Variants in SLC1A7 observed in about 807,000 individuals in gnomAD.
SLC1A7 encodes solute carrier family 1 member 7.
In SLC1A7, 40 loss-of-function variants were observed where a neutral mutation model predicts 47.7. The observed-to-expected ratio is 0.84, with a 90% CI of 0.65 to 1.09. SLC1A7 has a LOEUF of 1.09. Among genes scored for constraint, SLC1A7 ranks in the 50% least tolerant of loss-of-function variants. SLC1A7 has a pLI of 0.00. For missense variants in SLC1A7, 746 were observed against 769.5 expected, an observed-to-expected ratio of 0.97 and a Z score of 0.36; for synonymous variants, 323 against 325.6, an observed-to-expected ratio of 0.99 and a Z score of 0.09.
At chr1:53,092,810 G>A in intron 6 of SLC1A7, 23 bp from the exon 7 acceptor site, 1 of 1,520,908 alleles carries the variant, frequency 6.6e-7, no homozygotes, top group Non-Finnish European at 9.1e-7. Flanking sequence ...GGGCAGCCAG[G>A]CTCAGGAACC....
At chr1:53,090,877 C>G in intron 7 of SLC1A7, 71 bp from the exon 8 acceptor site, 1 of 1,552,868 alleles carries the variant, frequency 6.4e-7, no homozygotes, top group Non-Finnish European at 8.7e-7. Flanking sequence ...TCGGGAAGCT[C>G]ACCCCTCCCC....
intron 2 of SLC1A7, among the ~76,000 whole-genome samples, chr1:53,118,088 C>T (rs1424919162): frequency 1.3e-5 from 2 of 152,246 alleles, no homozygotes; most frequent in Non-Finnish European, 2.9e-5. Context: ...GGGAGCTGGG[C>T]ATGCAGAGGT....
rs1468373089 is a variant in SLC1A7, at chr1:53,142,377, G to A, written c.73C>T (p.Leu25=). Residue 25 remains leucine (L), a synonymous_variant, in exon 1 of 11, where the codon CTG becomes TTG. Coordinates refer to ENST00000371494, the MANE Select transcript of SLC1A7 (RefSeq NM_006671.6). The part of the protein sequence containing the change: ...RRNGLLILSV[L]SVIVGCLLGF... ...AGGAGGCAGCCCACGATGACAGACA[G>A]CACAGACAGGATGAGGAGTCCATTC... 9 of 1,602,172 alleles carry A rather than the reference G, an allele frequency of 5.6e-6. No homozygotes were observed. The highest frequency in any genetic ancestry group is 1.3e-5 in the African/African-American group (1 of 74,764).
intron 2 of SLC1A7, among the ~76,000 whole-genome samples, chr1:53,124,254 ACACACACACACACACAC>A (rs1247978170): frequency 1.2e-4 from 18 of 150,424 alleles, no homozygotes; most frequent in Admixed American, 6.6e-5. Flanking sequence ...TACACAACAC[ACACACACACACACACAC>A]ACACACACAC....
At chr1:53,136,487 C>T (rs1644995412) in intron 1 of SLC1A7, among the ~76,000 whole-genome samples, 1 of 145,994 alleles carries the variant, frequency 6.8e-6, no homozygotes, top group African/African-American at 2.5e-5. Context: ...GCCACCATGC[C>T]CTGCCAACAA....
chr1:53,102,535 T>A (rs1342033870), intron 5 of SLC1A7: 4 of 152,638 alleles, frequency 2.6e-5, no homozygotes, highest in African/African-American at 9.7e-5. Context: ...GCAGCCGGGC[T>A]GAGGGTTGTG....
rs1644374422 is a variant in SLC1A7 at position 53,087,694 on chromosome 1, C to A, written c.*315G>T. On this transcript the variant is annotated 3_prime_UTR_variant, in exon 11 of 11. Transcript: ENST00000371494. Reference sequence around the variant, plus strand: ...GGACAAGTGTTTTCAGCTCTCAGAGCCTCAAGTCTGTCATCCAGAAAGTGG... The same window carrying A: ...GGACAAGTGTTTTCAGCTCTCAGAGACTCAAGTCTGTCATCCAGAAAGTGG... 4.3e-6 allele frequency: 1 copy of A among 233,148 alleles called. No individual in the cohort carries two copies. The highest frequency in any genetic ancestry group is 8.3e-6 in the Non-Finnish European group (1 of 119,836). The allele number at this position is 233,148 out of a possible 1,614,324, so 14.4% of individuals were successfully genotyped here. A position where few individuals can be genotyped will look rare whatever the true frequency, so the allele number is the denominator to read the frequency against.
chr1:53,133,816 C>G (rs989160202), intron 2 of SLC1A7, among the ~76,000 whole-genome samples: 2 of 150,934 alleles, frequency 1.3e-5, no homozygotes, highest in African/African-American at 2.4e-5. Context: ...CCATCCCGCC[C>G]TTGTCCCCAA....
intron 3 of SLC1A7, among the ~76,000 whole-genome samples, chr1:53,109,351 GA>G (rs766301721): frequency 1.3e-5 from 2 of 151,686 alleles, no homozygotes; most frequent in African/African-American, 4.8e-5. Flanking sequence ...AATAAGATTC[GA>G]AAAAAAAGAG....
intron 5 of SLC1A7, among the ~76,000 whole-genome samples, chr1:53,099,262 TACCTCAC>T (rs1184619959): frequency 0.064 from 7,658 of 119,820 alleles, 1,371 homozygotes; most frequent in Middle Eastern, 0.089. Context: ...ACTGCCTCAG[TACCTCAC>T]ATACCGTCTC....
chr1:53,140,825 A>G (rs1645049941), intron 1 of SLC1A7, among the ~76,000 whole-genome samples: 1 of 152,220 alleles, frequency 6.6e-6, no homozygotes, highest in African/African-American at 2.4e-5. Flanking sequence ...GCAGAGTCAA[A>G]GTTCAGGGTT....
At chr1:53,109,143 C>T (rs990577786) in intron 3 of SLC1A7, among the ~76,000 whole-genome samples, 1 of 152,080 alleles carries the variant, frequency 6.6e-6, no homozygotes, top group African/African-American at 2.4e-5. Flanking sequence ...CCTCTCAGCT[C>T]CCCTCTTCAC....
At chr1:53,088,353 C>T in intron 10 of SLC1A7, 126 bp from the exon 11 acceptor site, 1 of 789,330 alleles carries the variant, frequency 1.3e-6, no homozygotes, top group East Asian at 2.8e-5. Context: ...TTCCTGCAGA[C>T]ACGCTGTGTG....
At chr1:53,119,325 A>T (rs1378454508) in intron 2 of SLC1A7, among the ~76,000 whole-genome samples, 4 of 152,122 alleles carry the variant, frequency 2.6e-5, no homozygotes, top group Non-Finnish European at 5.9e-5. Flanking sequence ...GTGGGGGAAA[A>T]GATCTGGTTT....
Position 53,105,755 on chromosome 1 carries a change from G to C in SLC1A7, c.451C>G (p.Leu151Val). Residue 151 changes from leucine (L) to valine (V), a missense_variant, in exon 4 of 11, where the codon CTA becomes GTA. Transcript: ENST00000371494. ...ACCTGTTTGAATGTGGCTTCTACTAGGTTGGCTGGGAACATGTTCCTAGGA... is the reference window on the plus strand; with the variant it reads ...ACCTGTTTGAATGTGGCTTCTACTACGTTGGCTGGGAACATGTTCCTAGGA... ...DLIRNMFPAN[L>V]VEATFKQYRT... is the part of the protein sequence containing the mutation. 1 of 1,613,508 alleles carries C rather than the reference G, an allele frequency of 6.2e-7. No individual in the cohort carries two copies. Among genetic ancestry groups the C allele is most frequent in the Non-Finnish European group, 8.5e-7 (1 of 1,179,626 alleles).
rs1256714752 is a variant in SLC1A7 at position 53,105,731 on chromosome 1, C to T, written c.474+1G>A. The stretch of plus-strand genomic sequence containing the variant: ...CCTCCACTGCCCAGAGACTCACTCA[C>T]CTGTTTGAATGTGGCTTCTACTAGG... On this transcript the variant is annotated splice_donor_variant, in intron 4 of 10. Transcript: ENST00000371494. LOFTEE classifies it high-confidence loss of function. 1.2e-6 allele frequency: 2 copies of T among 1,612,018 alleles called. No individual in the cohort carries two copies. Among genetic ancestry groups the T allele is most frequent in the East Asian group, 2.2e-5 (1 of 44,846 alleles).
chr1:53,090,572 G>A (rs1428891228), intron 8 of SLC1A7, 40 bp downstream of exon 8: 2 of 1,520,420 alleles, frequency 1.3e-6, no homozygotes, highest in East Asian at 4.7e-5. Flanking sequence ...AAGGCCCCCA[G>A]CCCCCGCCCC....
intron 1 of SLC1A7, 150 bp downstream of exon 1, chr1:53,142,165 T>C: frequency 1.2e-6 from 1 of 862,358 alleles, no homozygotes; most frequent in South Asian, 1.8e-5. Flanking sequence ...ACACCCATGT[T>C]ACAGATGAGA....
At chr1:53,124,635 A>ACACACAAACACACATGGG (rs1349426007) in intron 2 of SLC1A7, among the ~76,000 whole-genome samples, 252 of 152,320 alleles carry the variant, frequency 1.7e-3, no homozygotes, top group African/African-American at 5.6e-3. Context: ...AATGGGCCAC[A>ACACACAAACACACATGGG]CACACAAACA....
Sources: gnomAD v4.1 joint callset for allele counts (sites outside exome capture counted in the v4.1 genomes callset) on GRCh38, gnomAD v4.1.1 for gene constraint, MANE v1.5 for transcripts, NCBI Gene and HGNC (gene_info 2026-07-23, HGNC 2026-07-21) for gene names.